Variants in EVI5 observed in about 807,000 individuals in gnomAD.
The protein encoded by EVI5 is ecotropic viral integration site 5, also known as ecotropic viral integration site 5 protein homolog.
In EVI5, 73 loss-of-function variants were observed where a neutral mutation model predicts 112.0. The observed-to-expected ratio is 0.65, with a 90% CI of 0.54 to 0.79. The LOEUF (loss-of-function observed/expected upper bound fraction) is 0.79, where lower values mean the gene tolerates loss of function less well. Ranked by LOEUF, EVI5 falls within the 30% of genes least tolerant of loss-of-function variation. The pLI is 0.00. For missense variants in EVI5, 900 were observed against 968.8 expected, an observed-to-expected ratio of 0.93 and a Z score of 0.94; for synonymous variants, 305 against 319.9, an observed-to-expected ratio of 0.95 and a Z score of 0.50.
At chr1:92,779,517 C>CAAA (rs200753556) in intron 1 of EVI5, among the ~76,000 whole-genome samples, 1 of 118,654 alleles carries the variant, frequency 8.4e-6, no homozygotes. Flanking sequence ...GACTCCGTCT[C>CAAA]AAAAAAAAAA....
chr1:92,766,096 AAATAATAAT>A (rs71091300), intron 1 of EVI5, among the ~76,000 whole-genome samples: 102,541 of 140,860 alleles, frequency 0.73, 39,236 homozygotes, highest in East Asian at 0.91. Flanking sequence ...AGACCCTGCA[AAATAATAAT>A]AATAATAATA....
intron 1 of EVI5, among the ~76,000 whole-genome samples, chr1:92,790,527 T>G (rs997199220): frequency 6.7e-6 from 1 of 150,036 alleles, no homozygotes; most frequent in Non-Finnish European, 1.5e-5. Flanking sequence ...TTTTTTTGGT[T>G]TTTTTTTTTA....
chr1:92,575,328 T>C (rs1670893454), intron 18 of EVI5, among the ~76,000 whole-genome samples: 2 of 152,190 alleles, frequency 1.3e-5, no homozygotes, highest in Non-Finnish European at 2.9e-5. Context: ...TTTACTACCG[T>C]ATATTTCATC....
chr1:92,748,004 C>G (rs1679568953), intron 1 of EVI5, among the ~76,000 whole-genome samples: 1 of 152,082 alleles, frequency 6.6e-6, no homozygotes, highest in South Asian at 2.1e-4. Context: ...AACCCTGTTT[C>G]CAAATAAAGT....
At chr1:92,622,860 C>T (rs768454628) in intron 16 of EVI5, among the ~76,000 whole-genome samples, 6 of 152,152 alleles carry the variant, frequency 3.9e-5, no homozygotes, top group Non-Finnish European at 7.4e-5. Flanking sequence ...TAATTTTCCC[C>T]GCCTAGTCTC....
intron 10 of EVI5, 78 bp downstream of exon 10, chr1:92,677,080 A>G (rs1666868920): frequency 1.2e-6 from 1 of 851,594 alleles, no homozygotes; most frequent in African/African-American, 1.7e-5. Flanking sequence ...TGAATATAAG[A>G]AGTACAAACT....
chr1:92,558,831 C>T (rs1668060512), intron 19 of EVI5, among the ~76,000 whole-genome samples: 1 of 144,280 alleles, frequency 6.9e-6, no homozygotes, highest in Admixed American at 6.9e-5. Context: ...GTGAGACCCC[C>T]ATCTCTAAAA....
chr1:92,680,093 A>G (rs928652210), intron 9 of EVI5, among the ~76,000 whole-genome samples: 1 of 152,168 alleles, frequency 6.6e-6, no homozygotes, highest in Non-Finnish European at 1.5e-5. Context: ...TCATAACTCA[A>G]TATTTTCTAT....
intron 18 of EVI5, among the ~76,000 whole-genome samples, chr1:92,579,300 AT>A (rs1386651734): frequency 6.6e-6 from 1 of 152,184 alleles, no homozygotes; most frequent in Non-Finnish European, 1.5e-5. Context: ...TTGCCAAAAA[AT>A]ATTTAAATCA....
intron 1 of EVI5, among the ~76,000 whole-genome samples, chr1:92,769,450 C>T (rs531383438): frequency 2.6e-5 from 4 of 152,140 alleles, no homozygotes; most frequent in African/African-American, 7.2e-5. Flanking sequence ...ATTTGTGGTA[C>T]GAAGATTAAT....
chr1:92,595,421 G>C (rs1361244096), intron 18 of EVI5, among the ~76,000 whole-genome samples: 38 of 152,008 alleles, frequency 2.5e-4, no homozygotes, highest in Non-Finnish European at 3.8e-4. Flanking sequence ...GTTGTGGGGT[G>C]GGGGGAGGTT....
intron 2 of EVI5, among the ~76,000 whole-genome samples, chr1:92,730,487 G>A (rs1274410319): frequency 6.6e-6 from 1 of 151,462 alleles, no homozygotes; most frequent in Non-Finnish European, 1.5e-5. Flanking sequence ...ATTAATCCAG[G>A]CAACGAAGCA....
chr1:92,746,706 A>C (rs1679296018), intron 1 of EVI5, among the ~76,000 whole-genome samples: 1 of 152,148 alleles, frequency 6.6e-6, no homozygotes, highest in Non-Finnish European at 1.5e-5. Flanking sequence ...CAGCCTGGGC[A>C]ATAGAGCGAG....
At chr1:92,715,452 T>G (rs1440890320) in intron 2 of EVI5, among the ~76,000 whole-genome samples, 1 of 152,186 alleles carries the variant, frequency 6.6e-6, no homozygotes, top group African/African-American at 2.4e-5. Context: ...CAAAATCTCT[T>G]TTCTGAACAT....
chr1:92,754,276 T>C lies in EVI5; in HGVS notation c.-81-17649A>G, dbSNP rs2102943877. On this transcript the variant is annotated intron_variant, in intron 1 of 19. Transcript: ENST00000684568. ...TCACTCAACAAATACTTACTAAACATAGGCATAAGGCTAGGCATTGAGTGG... is the reference window on the plus strand; with the variant it reads ...TCACTCAACAAATACTTACTAAACACAGGCATAAGGCTAGGCATTGAGTGG... Among the ~76,000 whole-genome samples, 3 of 152,276 alleles carry C rather than the reference T, an allele frequency of 2.0e-5. No individual in the cohort carries two copies. In the South Asian group the frequency reaches 6.2e-4, roughly 32 times the overall value.
chr1:92,647,099 G>A (rs1046286960), intron 13 of EVI5: 4 of 181,366 alleles, frequency 2.2e-5, no homozygotes, highest in Admixed American at 5.5e-5. Context: ...CATCTTCTTT[G>A]ACTACTTCTT....
At chr1:92,789,709 C>T (rs1210746412), upstream of EVI5, among the ~76,000 whole-genome samples, 1 of 152,096 alleles carries the variant, frequency 6.6e-6, no homozygotes, top group African/African-American at 2.4e-5. Context: ...GGAGGGGAAC[C>T]CCTCTAAACT....
intron 19 of EVI5, among the ~76,000 whole-genome samples, chr1:92,536,284 T>G (rs1663875806): frequency 6.6e-6 from 1 of 152,160 alleles, no homozygotes; most frequent in South Asian, 2.1e-4. Context: ...CCAAAAACAT[T>G]TAGTAATGAG....
At chr1:92,528,850 G>C (rs1662371198) in intron 19 of EVI5, among the ~76,000 whole-genome samples, 1 of 152,140 alleles carries the variant, frequency 6.6e-6, no homozygotes, top group Admixed American at 6.5e-5. Context: ...TTCTTCACCT[G>C]AGTTGAAATT....
Sources: gnomAD v4.1 joint callset for allele counts (sites outside exome capture counted in the v4.1 genomes callset) on GRCh38, gnomAD v4.1.1 for gene constraint, MANE v1.5 for transcripts, NCBI Gene and HGNC (gene_info 2026-07-23, HGNC 2026-07-21) for gene names.